Variants in PTP4A1 observed in about 807,000 individuals in gnomAD.
PTP4A1 encodes protein tyrosine phosphatase 4A1.
PTP4A1 carries 9 observed loss-of-function variants against 20.5 expected under a neutral mutation model. That is an observed-to-expected ratio of 0.44 (90% CI 0.26 to 0.77). The LOEUF (loss-of-function observed/expected upper bound fraction) is 0.77. Ranked by LOEUF, PTP4A1 falls within the 30% of genes least tolerant of loss-of-function variation. The pLI is 0.19. For missense variants in PTP4A1, 137 were observed against 218.8 expected, an observed-to-expected ratio of 0.63 and a Z score of 2.36; for synonymous variants, 78 against 67.4, an observed-to-expected ratio of 1.16 and a Z score of -0.77.
chr6:63,575,727 A>G (rs1191857917), intron 1 of PTP4A1, among the ~76,000 whole-genome samples: 1 of 152,168 alleles, frequency 6.6e-6, no homozygotes, highest in Non-Finnish European at 1.5e-5. Flanking sequence ...TCCTTTTTAG[A>G]TTCATAAGCA....
intron 2 of PTP4A1, among the ~76,000 whole-genome samples, chr6:63,529,542 G>A (rs1188370499): frequency 2.0e-5 from 3 of 151,790 alleles, no homozygotes; most frequent in Non-Finnish European, 2.9e-5. Flanking sequence ...TACCTCTCTC[G>A]CTTTTAATTC....
intron 3 of PTP4A1, among the ~76,000 whole-genome samples, chr6:63,554,068 G>A (rs1162820288): frequency 6.6e-6 from 1 of 152,142 alleles, no homozygotes; most frequent in Non-Finnish European, 1.5e-5. Context: ...ATTCAGTGCT[G>A]TAATTTAAAT....
In PTP4A1 at chr6:63,580,941, G is replaced by T. The variant is rs1778189885; in HGVS notation, c.*767G>T. ...GGGAGGGCCTGAGAAAAGAATGGGA[G>T]GGGGCTATTAATTATTTTTAGCAAA... On this transcript the variant is annotated 3_prime_UTR_variant, in exon 6 of 6. Transcript: ENST00000626021. 1 of 152,466 alleles carries T rather than the reference G, an allele frequency of 6.6e-6. No individual in the cohort carries two copies. The highest frequency in any genetic ancestry group is 1.5e-5 in the Non-Finnish European group (1 of 68,002). The allele number at this position is 152,466 out of a possible 1,614,324, so 9.4% of individuals were successfully genotyped here. A position where few individuals can be genotyped will look rare whatever the true frequency, so the allele number is the denominator to read the frequency against.
At chr6:63,544,546 T>C (rs1042152377) in intron 2 of PTP4A1, among the ~76,000 whole-genome samples, 2 of 152,192 alleles carry the variant, frequency 1.3e-5, no homozygotes, top group Non-Finnish European at 2.9e-5. Context: ...AGTAACATCC[T>C]TTATAGTAAA....
At chr6:63,574,601 A>G (rs774122801) in intron 1 of PTP4A1, among the ~76,000 whole-genome samples, 2 of 152,242 alleles carry the variant, frequency 1.3e-5, no homozygotes, top group Non-Finnish European at 2.9e-5. Context: ...GGATATGGCC[A>G]GACTAGGTTG....
intron 3 of PTP4A1, among the ~76,000 whole-genome samples, chr6:63,558,210 A>T (rs1175188297): frequency 6.6e-6 from 1 of 152,150 alleles, no homozygotes; most frequent in African/African-American, 2.4e-5. Context: ...TAAATGGGAC[A>T]AGACAAGTCA....
intron 2 of PTP4A1, among the ~76,000 whole-genome samples, chr6:63,545,382 G>A (rs1776139018): frequency 6.6e-6 from 1 of 152,212 alleles, no homozygotes; most frequent in African/African-American, 2.4e-5. Context: ...GGCGGAGGCA[G>A]ATGGATCACC....
chr6:63,552,785 A>G (rs1302551327), intron 3 of PTP4A1, among the ~76,000 whole-genome samples: 1 of 152,198 alleles, frequency 6.6e-6, no homozygotes, highest in East Asian at 1.9e-4. Flanking sequence ...CATTTATTAA[A>G]TAGGGAAACC....
At position 63,565,179 on chromosome 6, in the gene PTP4A1, AT is replaced by A. The variant is rs201461223; in HGVS notation, c.-445-11244del. Among the ~76,000 whole-genome samples, 236 of 145,302 alleles carry A rather than the reference AT, an allele frequency of 1.6e-3. 1 individual carries two copies. The highest frequency in any genetic ancestry group is 2.1e-3 in the Admixed American group (31 of 14,452). On this transcript the variant is annotated intron_variant, in intron 3 of 3. Transcript: ENST00000639568. ...AGGAATGCACCATCATGCCCAGATA[AT>A]TTTTTTTTTTTTGTAGAGACAGGGT... is the stretch of plus-strand genomic sequence containing the variant.
At chr6:63,552,287 T>A (rs1001822991) in intron 3 of PTP4A1, among the ~76,000 whole-genome samples, 2 of 152,260 alleles carry the variant, frequency 1.3e-5, no homozygotes, top group African/African-American at 4.8e-5. Flanking sequence ...TGGCCAGTGA[T>A]GGTGAGCATT....
chr6:63,575,877 G>A (rs940800936), intron 1 of PTP4A1, among the ~76,000 whole-genome samples: 3 of 151,968 alleles, frequency 2.0e-5, no homozygotes, highest in South Asian at 4.1e-4. Flanking sequence ...CTAAGAAAAG[G>A]ATATAAAAGC....
chr6:63,569,998 A>C (rs1777350678), upstream of PTP4A1, among the ~76,000 whole-genome samples: 1 of 152,232 alleles, frequency 6.6e-6, no homozygotes, highest in Non-Finnish European at 1.5e-5. Flanking sequence ...CACCCTCAGC[A>C]TAGCAGTGAA....
At chr6:63,542,484 T>C (rs1776024668) in intron 2 of PTP4A1, among the ~76,000 whole-genome samples, 1 of 152,162 alleles carries the variant, frequency 6.6e-6, no homozygotes, top group Non-Finnish European at 1.5e-5. Flanking sequence ...AATAATCTAC[T>C]GCCTTTCCAA....
rs376671990 is a variant in PTP4A1, at chr6:63,526,803, G to GTATATATATA, written c.-905-992_-905-983dup. Among the ~76,000 whole-genome samples, 913 of 101,320 alleles carry GTATATATATA rather than the reference G, an allele frequency of 9.0e-3. 7 individuals are homozygous for GTATATATATA. Among genetic ancestry groups the GTATATATATA allele is most frequent in the East Asian group, 0.016 (59 of 3,590 alleles). 66.5% of individuals were successfully genotyped at this position (101,320 alleles called of 152,430 possible). ...CAGAGCAAGACTCTATCTCAAAAAT[G>GTATATATATA]TATATATATATATATATATATATAT... On this transcript the variant is annotated intron_variant, in intron 1 of 3. Transcript: ENST00000639568.
intron 2 of PTP4A1, 106 bp downstream of exon 2, chr6:63,577,091 A>G (rs1018685857): frequency 3.8e-6 from 3 of 782,706 alleles, no homozygotes; most frequent in Non-Finnish European, 4.1e-6. Context: ...TGATATACCT[A>G]CAATTCCAGT....
intron 2 of PTP4A1, among the ~76,000 whole-genome samples, chr6:63,546,498 G>A (rs943058515): frequency 3.9e-4 from 59 of 152,294 alleles, no homozygotes; most frequent in African/African-American, 1.3e-3. Context: ...TTGAGGCAAG[G>A]AGTTCGAGAC....
intron 1 of PTP4A1, chr6:63,527,737 T>A (rs1775250267): frequency 6.6e-6 from 1 of 152,220 alleles, no homozygotes; most frequent in African/African-American, 2.4e-5. Flanking sequence ...ATACATTGCA[T>A]GGTCTCTTGG....
At chr6:63,518,707 C>T (rs1446842995), upstream of PTP4A1, among the ~76,000 whole-genome samples, 1 of 152,170 alleles carries the variant, frequency 6.6e-6, no homozygotes, top group Non-Finnish European at 1.5e-5. Context: ...AGTGTACTAA[C>T]AACAGAGAGG....
At chr6:63,558,394 C>T (rs767128421) in intron 3 of PTP4A1, among the ~76,000 whole-genome samples, 2 of 152,148 alleles carry the variant, frequency 1.3e-5, no homozygotes, top group African/African-American at 2.4e-5. Context: ...TGAGCCACTG[C>T]TCTCCAGACT....
Sources: allele counts gnomAD v4.1 joint callset (sites outside exome capture counted in the v4.1 genomes callset), GRCh38; gene constraint gnomAD v4.1.1; transcripts MANE v1.5; gene names NCBI Gene and HGNC (gene_info 2026-07-23, HGNC 2026-07-21).